HEG1: variants seen among roughly 807,000 people sequenced by gnomAD.
HEG1 encodes the protein protein HEG homolog 1.
A neutral mutation model predicts 125.6 loss-of-function variants in HEG1; 56 were observed. That is an observed-to-expected ratio of 0.45 (90% CI 0.36 to 0.56). The LOEUF is 0.56. Among genes scored for constraint, HEG1 ranks in the 20% least tolerant of loss-of-function variants. HEG1 has a pLI of 0.00. For synonymous variants in HEG1, 644 were observed against 668.5 expected, an observed-to-expected ratio of 0.96 and a Z score of 0.57; for missense variants, 1,523 against 1,670.0, an observed-to-expected ratio of 0.91 and a Z score of 1.53.
At chr3:124,987,952 C>CACACACACACACATATATATATATATAT in intron 14 of HEG1, among the ~76,000 whole-genome samples, 28 of 54,678 alleles carry the variant, frequency 5.1e-4, no homozygotes, top group African/African-American at 1.3e-3. Flanking sequence ...CACACACACA[C>CACACACACACACATATATATATATATAT]ATATATATAT....
At chr3:125,037,314 T>C (rs926201078) in intron 1 of HEG1, among the ~76,000 whole-genome samples, 1 of 152,240 alleles carries the variant, frequency 6.6e-6, no homozygotes, top group African/African-American at 2.4e-5. Context: ...GAGAAGCCAC[T>C]TAGGAATGGG....
rs753790596 is a variant in HEG1, at chr3:124,973,742, C to G, written c.3985G>C (p.Val1329Leu). The change falls in exon 16 of 17, where the codon GTG (valine) becomes CTG (leucine). Residue 1329 changes from valine to leucine, a missense_variant. Val to Leu is a conservative substitution (Grantham distance 32, BLOSUM62 1). Coordinates refer to ENST00000311127, the MANE Select transcript of HEG1 (RefSeq NM_020733.2). ...ACAGGAATACACACCGAGTAGTACA[C>G]ATCCGTCATCTGGAGGAGGTTTTTG... Reference protein sequence around the residue: ...STKNLLQMTDVYYSPTSVRNP... With the variant: ...STKNLLQMTDLYYSPTSVRNP... The G allele has an allele frequency of 6.2e-7, 1 of 1,613,732 alleles. No homozygotes were observed. The highest frequency in any genetic ancestry group is 8.5e-7 in the Non-Finnish European group (1 of 1,179,764).
intron 11 of HEG1, among the ~76,000 whole-genome samples, chr3:125,000,860 T>C (rs1216415886): frequency 1.3e-5 from 2 of 152,228 alleles, no homozygotes; most frequent in African/African-American, 2.4e-5. Context: ...GACTAGATTC[T>C]CCATCCTTTG....
At chr3:125,039,661 C>T (rs947606401) in intron 1 of HEG1, among the ~76,000 whole-genome samples, 1 of 152,044 alleles carries the variant, frequency 6.6e-6, no homozygotes, top group Non-Finnish European at 1.5e-5. Context: ...CCCTGTCAAG[C>T]GGGTATTATT....
chr3:124,974,013 A>G (rs925804815), intron 15 of HEG1, 108 bp from the exon 16 acceptor site: 1 of 752,536 alleles, frequency 1.3e-6, no homozygotes, highest in Admixed American at 2.9e-5. Context: ...CTACCATTAT[A>G]TTTATTTGTA....
At position 125,019,273 on chromosome 3, in the gene HEG1, C is replaced by T. The variant is rs1228211106; in HGVS notation, c.1577G>A (p.Gly526Glu). Residue 526 changes from glycine to glutamate, a missense_variant, in exon 5 of 17, where the codon GGA becomes GAA. Transcript: ENST00000311127. The part of the protein sequence containing the change: ...SESLNSSAPR[G>E]ERSIAGISYG... ...ATGGAAAAACTCACTCGAACGTTCTCCACGTGGTGCTGATGAATTCAAGCT... is the reference window on the plus strand; with the variant it reads ...ATGGAAAAACTCACTCGAACGTTCTTCACGTGGTGCTGATGAATTCAAGCT... 2.5e-6 allele frequency: 4 copies of T among 1,607,552 alleles called. No homozygotes were observed. The highest frequency in any genetic ancestry group is 3.3e-5 in the Admixed American group (2 of 59,926).
chr3:125,021,651 C>G (rs893685154), intron 3 of HEG1, among the ~76,000 whole-genome samples: 1 of 152,230 alleles, frequency 6.6e-6, no homozygotes, highest in Non-Finnish European at 1.5e-5. Context: ...AGCTGGGACA[C>G]TCATGGCCTA....
rs150387738 is a variant in HEG1 at position 125,027,538 on chromosome 3, A to G, written c.611-31T>C. ...AACAGACAAAAACAATTAGAATTCC[A>G]CCAGCAGACTTCAAAATGTCTTAAT... On this transcript the variant is annotated intron_variant, in intron 2 of 16. Coordinates refer to ENST00000311127, the MANE Select transcript of HEG1 (RefSeq NM_020733.2). The G allele has an allele frequency of 2.0e-5, 31 of 1,545,560 alleles. No individual in the cohort carries two copies. The East Asian group carries it at 6.7e-4, about 34-fold the overall frequency.
rs573297045 is a variant in HEG1 at position 125,054,925 on chromosome 3, T to C, written c.316+650A>G. On this transcript the variant is annotated intron_variant, in intron 1 of 16. Transcript: ENST00000311127. ...AGGGAGAAGAGGTCAGTTCCTTCTC[T>C]CTGCGTGGGACAGGCGGTGGCTACC... Among the ~76,000 whole-genome samples the C allele has an allele frequency of 3.2e-4, 48 of 152,288 alleles. 1 individual carries two copies. Among genetic ancestry groups the C allele is most frequent in the Admixed American group, 2.7e-3 (41 of 15,302 alleles).
rs1412552032 is a variant in HEG1 at position 125,013,863 on chromosome 3, T to C, written c.1716A>G (p.Thr572=). ...CAATGTCTGAGGATGAACTGTTATC[T>C]GTAATGGACAGTAACGCCCGTTCTC... ...TKGERALLSI[T]DNSSSSDIVE... The change falls in exon 6 of 17, where the codon ACA becomes ACG. Residue 572 remains threonine (T), a synonymous_variant. Transcript: ENST00000311127. The C allele has an allele frequency of 1.9e-6, 3 of 1,613,838 alleles. No homozygotes were observed. The highest frequency in any genetic ancestry group is 1.7e-6 in the Non-Finnish European group (2 of 1,179,878).
intron 3 of HEG1, among the ~76,000 whole-genome samples, chr3:125,026,254 C>T (rs949641396): frequency 6.6e-6 from 1 of 152,148 alleles, no homozygotes; most frequent in South Asian, 2.1e-4. Flanking sequence ...CATGCTAATC[C>T]CTATGTCTTA....
intron 10 of HEG1, 75 bp from the exon 11 acceptor site, chr3:125,002,087 C>T: frequency 6.4e-7 from 1 of 1,569,342 alleles, no homozygotes; most frequent in Non-Finnish European, 8.7e-7. Context: ...AAATGAATGT[C>T]ATCGCCATTC....
intron 9 of HEG1, among the ~76,000 whole-genome samples, chr3:125,005,058 C>T (rs1937053008): frequency 6.6e-6 from 1 of 152,186 alleles, no homozygotes; most frequent in South Asian, 2.1e-4. Context: ...TGCATGAGGA[C>T]ACATTTGAAG....
chr3:124,997,889 C>T (rs1463330232), intron 11 of HEG1, 66 bp from the exon 12 acceptor site: 1 of 1,464,788 alleles, frequency 6.8e-7, no homozygotes, highest in African/African-American at 1.4e-5. Flanking sequence ...TTAAAATCTC[C>T]TCCACTTCAA....
intron 11 of HEG1, among the ~76,000 whole-genome samples, chr3:124,998,974 C>A (rs1331719533): frequency 6.6e-6 from 1 of 152,206 alleles, no homozygotes; most frequent in Non-Finnish European, 1.5e-5. Context: ...CATGGTCTCC[C>A]ATTTCCCACC....
chr3:124,971,789 C>CTTT (rs10635471), intron 16 of HEG1, among the ~76,000 whole-genome samples: 4,757 of 128,402 alleles, frequency 0.037, 363 homozygotes, highest in African/African-American at 0.12. Context: ...TGCGCCCGGC[C>CTTT]TTTTTTTTTT....
intron 1 of HEG1, among the ~76,000 whole-genome samples, chr3:125,046,637 T>C (rs911589012): frequency 2.6e-5 from 4 of 152,182 alleles, no homozygotes; most frequent in Non-Finnish European, 1.5e-5. Context: ...TAATGATACA[T>C]TTCCATCCCT....
At position 125,022,700 on chromosome 3, in the gene HEG1, T is replaced by G. The variant is rs781402242; in HGVS notation, c.914-1570A>C. 5.1e-3 allele frequency among the ~76,000 whole-genome samples: 226 copies of G among 44,466 alleles called. 2 individuals carry two copies. In the East Asian group the frequency reaches 0.072, roughly 14 times the overall value. The allele number at this position is 44,466 out of a possible 152,430, so 29.2% of individuals were successfully genotyped here. On this transcript the variant is annotated intron_variant, in intron 3 of 16. Coordinates refer to ENST00000311127, the MANE Select transcript of HEG1 (RefSeq NM_020733.2). ...CTTCAGTATTAAAAAAAAAAAGAAA[T>G]AAATAAATAAAAAGAAAAGAAAGCA...
chr3:125,007,751 G>A (rs1024410412), intron 8 of HEG1, among the ~76,000 whole-genome samples: 10 of 152,098 alleles, frequency 6.6e-5, no homozygotes, highest in African/African-American at 2.2e-4. Flanking sequence ...GGAGCTAGAA[G>A]CAAATCATTT....
Sources: gnomAD v4.1 joint callset for allele counts (sites outside exome capture counted in the v4.1 genomes callset) on GRCh38, gnomAD v4.1.1 for gene constraint, MANE v1.5 for transcripts, NCBI Gene and HGNC (gene_info 2026-07-23, HGNC 2026-07-21) for gene names.